CDC27: variants seen among roughly 807,000 people sequenced by gnomAD.
CDC27 encodes the protein cell division cycle 27.
CDC27 carries 27 observed loss-of-function variants against 109.7 expected under a neutral mutation model. The ratio of observed to expected loss-of-function variants is 0.25; its 90% CI spans 0.18 to 0.34. The LOEUF is 0.34. Among genes scored for constraint, CDC27 ranks in the 10% least tolerant of loss-of-function variants. The pLI is 1.00. For missense variants in CDC27, 579 were observed against 960.2 expected (o/e 0.60, Z 5.25); for synonymous variants, 266 against 333.9 (o/e 0.80, Z 2.22).
At chr17:47,129,062 C>A (rs904479957) in intron 16 of CDC27, among the ~76,000 whole-genome samples, 2 of 152,182 alleles carry the variant, frequency 1.3e-5, no homozygotes, top group African/African-American at 4.8e-5. Flanking sequence ...TAAGCCACTG[C>A]GCCTGGCCCA....
intron 9 of CDC27, among the ~76,000 whole-genome samples, chr17:47,149,436 A>G (rs2063083261): frequency 6.7e-6 from 1 of 149,358 alleles, no homozygotes; most frequent in Admixed American, 6.7e-5. Flanking sequence ...GCTTTAACCC[A>G]GGTGGCAGAA....
intron 4 of CDC27, among the ~76,000 whole-genome samples, chr17:47,160,470 C>T (rs2148930622): frequency 6.6e-6 from 1 of 152,290 alleles, no homozygotes; most frequent in East Asian, 1.9e-4. Flanking sequence ...AAGTGATCCA[C>T]CCGCTTCAGC....
At chr17:47,129,583 C>A in intron 15 of CDC27, 62 bp from the exon 16 acceptor site, 1 of 1,184,982 alleles carries the variant, frequency 8.4e-7, no homozygotes, top group Non-Finnish European at 1.2e-6. Flanking sequence ...AGGTGAGAAC[C>A]AACGTGACTC....
intron 9 of CDC27, among the ~76,000 whole-genome samples, chr17:47,147,805 G>A (rs947796297): frequency 1.3e-5 from 2 of 151,274 alleles, no homozygotes; most frequent in Non-Finnish European, 2.9e-5. Flanking sequence ...GGAGGCTAAC[G>A]CAAGAGAATC....
chr17:47,133,058 C>CACACACAT (rs2062425553), intron 14 of CDC27, among the ~76,000 whole-genome samples: 2 of 31,054 alleles, frequency 6.4e-5, no homozygotes, highest in Admixed American at 7.9e-4. Context: ...CACACACATA[C>CACACACAT]ATATACACAC....
chr17:47,185,282 C>T (rs2149016611), intron 1 of CDC27, among the ~76,000 whole-genome samples: 1 of 152,102 alleles, frequency 6.6e-6, no homozygotes, highest in Non-Finnish European at 1.5e-5. Context: ...GGGTTCACGC[C>T]ATTCTCCTGC....
chr17:47,122,631 A>G, intron 17 of CDC27, 31 bp from the exon 18 acceptor site: 1 of 1,517,884 alleles, frequency 6.6e-7, no homozygotes, highest in South Asian at 1.3e-5. Flanking sequence ...TACATTTTTC[A>G]TTAAGTTGTG....
rs543856189 is a variant in CDC27 at position 47,157,972 on chromosome 17, T to G, written c.475+234A>C. On this transcript the variant is annotated intron_variant, in intron 5 of 18. Transcript: ENST00000066544. Reference sequence around the variant, plus strand: ...CCCATTCTAGAGGACACCAGATACTTGAAAATAGATTGGTTCAACAGAAGA... The same window carrying G: ...CCCATTCTAGAGGACACCAGATACTGGAAAATAGATTGGTTCAACAGAAGA... 9.2e-5 allele frequency among the ~76,000 whole-genome samples: 14 copies of G among 152,332 alleles called. No individual in the cohort carries two copies. The East Asian group carries it at 2.7e-3, about 29-fold the overall frequency.
intron 4 of CDC27, among the ~76,000 whole-genome samples, chr17:47,158,565 C>T (rs1032571411): frequency 6.6e-6 from 1 of 151,650 alleles, no homozygotes; most frequent in Non-Finnish European, 1.5e-5. Context: ...CTGTCAGATA[C>T]TAGAGTTATT....
At chr17:47,154,432 A>T (rs1344506397) in intron 8 of CDC27, among the ~76,000 whole-genome samples, 2 of 152,192 alleles carry the variant, frequency 1.3e-5, no homozygotes, top group Admixed American at 6.5e-5. Context: ...GAAATAAACT[A>T]AATTTGTGAG....
At chr17:47,180,945 TA>T (rs34061862) in intron 2 of CDC27, among the ~76,000 whole-genome samples, 1,846 of 111,666 alleles carry the variant, frequency 0.017, 27 homozygotes, top group African/African-American at 0.052. Flanking sequence ...ACTCTTTTCT[TA>T]AAAAAAAAAA....
intron 3 of CDC27, chr17:47,170,815 C>T (rs1207598126): frequency 6.6e-6 from 1 of 152,152 alleles, no homozygotes; most frequent in African/African-American, 2.4e-5. Flanking sequence ...AAATTGCATA[C>T]TTATGCCCGG....
intron 17 of CDC27, among the ~76,000 whole-genome samples, chr17:47,123,520 C>A (rs968677329): frequency 2.0e-5 from 3 of 150,186 alleles, no homozygotes; most frequent in African/African-American, 7.4e-5. Flanking sequence ...AAGTGATTCT[C>A]GTGCCTCAGC....
intron 14 of CDC27, among the ~76,000 whole-genome samples, chr17:47,132,654 C>T (rs76621174): frequency 0.079 from 11,909 of 151,022 alleles, 638 homozygotes; most frequent in South Asian, 0.19. Context: ...CATCCTTGAA[C>T]TTCCGGGTTC....
chr17:47,160,058 C>T (rs1567691638), intron 4 of CDC27: 1 of 205,240 alleles, frequency 4.9e-6, no homozygotes, highest in African/African-American at 2.4e-5. Flanking sequence ...CCCCTCTCCC[C>T]TCAAGATCTG....
In CDC27 at chr17:47,185,044, T is replaced by C. The variant is rs1598621034; in HGVS notation, c.28-3407A>G. Among the ~76,000 whole-genome samples the C allele has an allele frequency of 1.3e-5, 2 of 152,344 alleles. 1 individual carries two copies. Among genetic ancestry groups the C allele is most frequent in the Non-Finnish European group, 2.9e-5 (2 of 68,038 alleles). ...ATGGGTTAGTCCCCAGGTGCACTAA[T>C]TTAAAAGATAAATAAACCAACAGCT... On this transcript the variant is annotated intron_variant, in intron 1 of 18. Coordinates refer to ENST00000066544, the MANE Select transcript of CDC27 (RefSeq NM_001256.6).
intron 16 of CDC27, among the ~76,000 whole-genome samples, chr17:47,124,723 T>C (rs991814580): frequency 6.6e-6 from 1 of 152,244 alleles, no homozygotes. Context: ...TGCTTCTCCA[T>C]TTAATCTGTT....
At chr17:47,146,344 G>C (rs146208684) in intron 9 of CDC27, among the ~76,000 whole-genome samples, 28 of 152,338 alleles carry the variant, frequency 1.8e-4, no homozygotes, top group African/African-American at 6.5e-4. Flanking sequence ...ACCTACAACT[G>C]GGCAGTTCAG....
At chr17:47,129,663 G>T in intron 15 of CDC27, 142 bp from the exon 16 acceptor site, 1 of 469,254 alleles carries the variant, frequency 2.1e-6, no homozygotes, top group East Asian at 3.1e-5. Context: ...TGCATTAAGT[G>T]GATTTAGTAA....
Sources: allele counts gnomAD v4.1 joint callset (sites outside exome capture counted in the v4.1 genomes callset), GRCh38; gene constraint gnomAD v4.1.1; transcripts MANE v1.5; gene names NCBI Gene and HGNC (gene_info 2026-07-23, HGNC 2026-07-21).